The following GRIA3 variants were observed in gnomAD, a reference collection of about 807,000 sequenced individuals.
GRIA3 encodes glutamate receptor 3.
Under a neutral mutation model 63.0 loss-of-function variants are expected in GRIA3, and 3 were observed. The ratio of observed to expected loss-of-function variants is 0.05; its 90% CI spans 0.02 to 0.12. GRIA3 has a LOEUF of 0.12. Among genes scored for constraint, GRIA3 ranks in the 10% least tolerant of loss-of-function variants. GRIA3 has a pLI of 1.00. For synonymous variants in GRIA3, 274 were observed against 257.9 expected (o/e 1.06, Z -0.60); for missense variants, 347 against 700.9 (o/e 0.50, Z 5.70).
intron 3 of GRIA3, among the ~76,000 whole-genome samples, chrX:123,306,626 C>T (rs1051688053): frequency 1.1e-4 from 12 of 111,956 alleles, no homozygotes; most frequent in African/African-American, 3.9e-4. Context: ...TAATCACAGC[C>T]TCAGCCAGCT....
intron 5 of GRIA3, among the ~76,000 whole-genome samples, chrX:123,392,313 C>T (rs1215400161): frequency 6.3e-5 from 7 of 111,660 alleles, no homozygotes; most frequent in African/African-American, 2.3e-4. Flanking sequence ...AAGCCCAGCC[C>T]TGCATTCAAG....
chrX:123,417,381 C>CA (rs113318422), intron 10 of GRIA3, 21 bp from the exon 11 acceptor site: 236 of 1,167,556 alleles, frequency 2.0e-4, no homozygotes, highest in Admixed American at 4.4e-4. Flanking sequence ...TATATGTTTT[C>CA]TTTTTTTTCT....
chrX:123,371,240 C>T (rs745317823), intron 5 of GRIA3, among the ~76,000 whole-genome samples: 16 of 110,329 alleles, frequency 1.5e-4, no homozygotes, highest in African/African-American at 5.3e-4. Flanking sequence ...CTGAATAGTA[C>T]TCCATTGTAT....
At chrX:123,361,840 TGAA>T (rs2045177014) in intron 5 of GRIA3, among the ~76,000 whole-genome samples, 1 of 111,613 alleles carries the variant, frequency 9.0e-6, no homozygotes, top group African/African-American at 3.3e-5. Context: ...AAACTACCTG[TGAA>T]GAAGAACCAG....
At chrX:123,191,488 A>G in intron 2 of GRIA3, among the ~76,000 whole-genome samples, 1 of 111,982 alleles carries the variant, frequency 8.9e-6, no homozygotes, top group East Asian at 2.8e-4. Flanking sequence ...GCAGCCCCCA[A>G]AAAGGGTCAG....
intron 4 of GRIA3, among the ~76,000 whole-genome samples, chrX:123,345,067 G>T (rs191592841): frequency 9.0e-5 from 10 of 111,177 alleles, no homozygotes; most frequent in Non-Finnish European, 1.7e-4. Context: ...ACTGTCCTAA[G>T]ACATCCATGT....
intron 2 of GRIA3, among the ~76,000 whole-genome samples, chrX:123,200,602 CATACAT>C (rs1358922763): frequency 2.2e-3 from 156 of 72,433 alleles, no homozygotes; most frequent in Non-Finnish European, 3.1e-3. Flanking sequence ...CACACACACA[CATACAT>C]ACACACACAC....
rs774826272 is a variant in GRIA3 at position 123,485,723 on chromosome X, T to C, written c.*2+2677T>C. Among the ~76,000 whole-genome samples, 44 of 111,979 alleles carry C rather than the reference T, an allele frequency of 3.9e-4. 1 individual carries two copies. The South Asian group carries it at 0.016, about 41-fold the overall frequency. ...GATTACATCAAGGCTCAGGGTCACATGACCTCCAGACTCTTTATCAACGAT... is the reference window on the plus strand; with the variant it reads ...GATTACATCAAGGCTCAGGGTCACACGACCTCCAGACTCTTTATCAACGAT... On this transcript the variant is annotated intron_variant, in intron 15 of 15. Transcript: ENST00000620443.
At chrX:123,427,860 T>C (rs974720791) in intron 11 of GRIA3, 81 bp from the exon 12 acceptor site, 2 of 698,044 alleles carry the variant, frequency 2.9e-6, no homozygotes, top group African/African-American at 4.2e-5. Flanking sequence ...ACCACTCCTC[T>C]TTCCAGAAAT....
intron 4 of GRIA3, among the ~76,000 whole-genome samples, chrX:123,343,870 C>A (rs1436942389): frequency 3.7e-5 from 4 of 109,453 alleles, no homozygotes; most frequent in African/African-American, 1.3e-4. Flanking sequence ...CTGTGGAGTA[C>A]AAGAGATGAG....
chrX:123,451,604 G>A (rs754798254), intron 12 of GRIA3, among the ~76,000 whole-genome samples: 15 of 106,397 alleles, frequency 1.4e-4, no homozygotes, highest in Non-Finnish European at 2.7e-4. Context: ...GCTTGAATTA[G>A]GAGGAGGGTA....
At chrX:123,224,378 T>A (rs2147266994) in intron 2 of GRIA3, among the ~76,000 whole-genome samples, 1 of 111,892 alleles carries the variant, frequency 8.9e-6, no homozygotes, top group African/African-American at 3.2e-5. Context: ...TTGGACATCT[T>A]CAACCCAACA....
At chrX:123,407,543 G>C (rs1490666113) in intron 10 of GRIA3, among the ~76,000 whole-genome samples, 1 of 110,015 alleles carries the variant, frequency 9.1e-6, no homozygotes, top group Non-Finnish European at 1.9e-5. Flanking sequence ...TGATGGAAAG[G>C]GTAAGGGGTC....
At chrX:123,275,597 A>G (rs1225133064) in intron 3 of GRIA3, among the ~76,000 whole-genome samples, 1 of 112,256 alleles carries the variant, frequency 8.9e-6, no homozygotes, top group East Asian at 2.8e-4. Context: ...TGACTTTCTC[A>G]GCATCATCAT....
chrX:123,285,076 AAG>A (rs1434873329), intron 3 of GRIA3, among the ~76,000 whole-genome samples: 1 of 111,784 alleles, frequency 8.9e-6, no homozygotes, highest in Non-Finnish European at 1.9e-5. Context: ...TACAAGCCAG[AAG>A]AGAGTGGGGG....
chrX:123,261,218 G>A (rs2044458446), intron 3 of GRIA3, among the ~76,000 whole-genome samples: 1 of 111,262 alleles, frequency 9.0e-6, no homozygotes, highest in Non-Finnish European at 1.9e-5. Flanking sequence ...ATTAGTTACT[G>A]TGGAAATTGT....
chrX:123,272,122 T>C (rs973910445), intron 3 of GRIA3, among the ~76,000 whole-genome samples: 2 of 111,324 alleles, frequency 1.8e-5, no homozygotes, highest in African/African-American at 6.5e-5. Context: ...CTCTTACTTA[T>C]TCATGCCTTG....
intron 3 of GRIA3, among the ~76,000 whole-genome samples, chrX:123,321,713 T>C (rs1181077659): frequency 8.9e-6 from 1 of 112,141 alleles, no homozygotes; most frequent in Non-Finnish European, 1.9e-5. Flanking sequence ...ATCCCTGTCA[T>C]GAGATCAACC....
At chrX:123,455,056 G>A (rs774313127) in intron 12 of GRIA3, among the ~76,000 whole-genome samples, 37 of 111,999 alleles carry the variant, frequency 3.3e-4, no homozygotes, top group Non-Finnish European at 5.8e-4. Flanking sequence ...GTTAAGCAAA[G>A]TCATTTACAT....
Sources: allele counts gnomAD v4.1 joint callset (sites outside exome capture counted in the v4.1 genomes callset), GRCh38; gene constraint gnomAD v4.1.1; transcripts MANE v1.5; gene names NCBI Gene and HGNC (gene_info 2026-07-23, HGNC 2026-07-21).